The following ARHGAP44 variants were observed in gnomAD, a reference collection of about 807,000 sequenced individuals.
The protein encoded by ARHGAP44 is rho GTPase-activating protein 44.
In ARHGAP44, 43 loss-of-function variants were observed where a neutral mutation model predicts 106.8. The ratio of observed to expected loss-of-function variants is 0.40; its 90% CI spans 0.32 to 0.52. The LOEUF (loss-of-function observed/expected upper bound fraction) is 0.52. Among genes scored for constraint, ARHGAP44 ranks in the 20% least tolerant of loss-of-function variants. ARHGAP44 has a pLI of 0.48. For missense variants in ARHGAP44, 866 were observed against 1,050.5 expected (o/e 0.82, Z 2.43); for synonymous variants, 439 against 410.3 (o/e 1.07, Z -0.85).
intron 1 of ARHGAP44, among the ~76,000 whole-genome samples, chr17:12,791,671 T>C (rs1028592737): frequency 4.6e-5 from 7 of 152,106 alleles, no homozygotes; most frequent in Non-Finnish European, 7.4e-5. Flanking sequence ...GCCTCATCCA[T>C]GGGGGGAATG....
At chr17:12,848,695 CTCTT>C (rs2035641897) in intron 1 of ARHGAP44, among the ~76,000 whole-genome samples, 1 of 152,174 alleles carries the variant, frequency 6.6e-6, no homozygotes, top group Non-Finnish European at 1.5e-5. Context: ...AGTGCAGGGA[CTCTT>C]TCTTTTTGGA....
chr17:12,858,767 A>C (rs1302481228), intron 1 of ARHGAP44, among the ~76,000 whole-genome samples: 1 of 152,200 alleles, frequency 6.6e-6, no homozygotes, highest in Admixed American at 6.5e-5. Flanking sequence ...GCTGCTTATA[A>C]AGACATACCC....
chr17:12,789,631 G>A lies in ARHGAP44; in HGVS notation c.-208G>A. ...CGGGCATTGCGCGGCGCGCGTGAGG[G>A]GGATGCGGCAGGAGGCGGCGCGGCG... is the stretch of plus-strand genomic sequence containing the variant. On this transcript the variant is annotated 5_prime_UTR_variant, in exon 1 of 21. Transcript: ENST00000379672. 1 of 342,018 alleles carries A rather than the reference G, an allele frequency of 2.9e-6. No homozygotes were observed. Among genetic ancestry groups the A allele is most frequent in the Non-Finnish European group, 5.2e-6 (1 of 192,352 alleles). 21.2% of individuals were successfully genotyped at this position (342,018 alleles called of 1,614,324 possible).
chr17:12,967,771 T>C (rs76362481), intron 16 of ARHGAP44, among the ~76,000 whole-genome samples: 15,616 of 152,106 alleles, frequency 0.1, 903 homozygotes, highest in South Asian at 0.2. Context: ...CCCTGTATGG[T>C]CTACCAGGTT....
chr17:12,800,577 T>G (rs2034061618), intron 1 of ARHGAP44, among the ~76,000 whole-genome samples: 1 of 152,170 alleles, frequency 6.6e-6, no homozygotes, highest in African/African-American at 2.4e-5. Context: ...GCGTGCCACT[T>G]CTACTCTCAA....
intron 1 of ARHGAP44, among the ~76,000 whole-genome samples, chr17:12,819,154 G>A (rs1000929342): frequency 6.6e-6 from 1 of 152,022 alleles, no homozygotes; most frequent in African/African-American, 2.4e-5. Flanking sequence ...AAGATGCCAG[G>A]GCAATTAATG....
chr17:12,836,021 C>A (rs1222448482), intron 1 of ARHGAP44, among the ~76,000 whole-genome samples: 1 of 152,136 alleles, frequency 6.6e-6, no homozygotes, highest in Admixed American at 6.5e-5. Flanking sequence ...GTATGTATAT[C>A]CACATTTTGT....
chr17:12,879,743 C>T (rs1011477227), intron 1 of ARHGAP44, among the ~76,000 whole-genome samples: 1 of 150,826 alleles, frequency 6.6e-6, no homozygotes, highest in African/African-American at 2.4e-5. Context: ...TACACACACA[C>T]ACACACACTT....
chr17:12,923,598 C>T (rs942237772), intron 6 of ARHGAP44, among the ~76,000 whole-genome samples: 12 of 152,090 alleles, frequency 7.9e-5, no homozygotes, highest in South Asian at 2.1e-4. Flanking sequence ...GTAACCGTGG[C>T]GGGAGATCTA....
chr17:12,948,956 T>C (rs529508435), intron 10 of ARHGAP44, among the ~76,000 whole-genome samples, 184 bp from the exon 11 acceptor site: 1 of 152,310 alleles, frequency 6.6e-6, no homozygotes, highest in East Asian at 1.9e-4. Context: ...CAGTTCCTGC[T>C]CTGAAGTTGC....
chr17:12,948,374 AT>A (rs2038906730), intron 10 of ARHGAP44, among the ~76,000 whole-genome samples: 1 of 152,146 alleles, frequency 6.6e-6, no homozygotes, highest in Admixed American at 6.5e-5. Context: ...ACTTTATTTG[AT>A]TCTAAAAGTG....
At chr17:12,892,080 G>T (rs1461746055) in intron 1 of ARHGAP44, among the ~76,000 whole-genome samples, 3 of 152,230 alleles carry the variant, frequency 2.0e-5, no homozygotes, top group Admixed American at 6.5e-5. Flanking sequence ...GTGAGCCACT[G>T]TGCCCAGCCT....
chr17:12,827,900 G>T (rs1391159157), intron 1 of ARHGAP44, among the ~76,000 whole-genome samples: 1 of 151,870 alleles, frequency 6.6e-6, no homozygotes, highest in Non-Finnish European at 1.5e-5. Context: ...TCAGCCAGGT[G>T]TGGTGGTGCA....
chr17:12,924,520 A>C (rs951176689), intron 6 of ARHGAP44, among the ~76,000 whole-genome samples: 5 of 152,210 alleles, frequency 3.3e-5, no homozygotes, highest in Non-Finnish European at 7.3e-5. Context: ...GGACACATAC[A>C]CATTCCATTT....
At chr17:12,833,048 C>A (rs2035134333) in intron 1 of ARHGAP44, among the ~76,000 whole-genome samples, 1 of 152,228 alleles carries the variant, frequency 6.6e-6, no homozygotes, top group Non-Finnish European at 1.5e-5. Context: ...GAGAGCTCCC[C>A]TGTGTCCCTG....
At chr17:12,948,888 A>T (rs182074745) in intron 10 of ARHGAP44, among the ~76,000 whole-genome samples, 43 of 152,284 alleles carry the variant, frequency 2.8e-4, no homozygotes, top group Non-Finnish European at 4.6e-4. Flanking sequence ...ATAGTTACTG[A>T]GCCAGTGTGA....
intron 10 of ARHGAP44, among the ~76,000 whole-genome samples, chr17:12,945,696 T>G (rs1412925125): frequency 6.6e-6 from 1 of 152,184 alleles, no homozygotes; most frequent in East Asian, 1.9e-4. Context: ...TTCTAGATGC[T>G]GGAAATTCGA....
chr17:12,843,651 C>CTTTT (rs146749216), intron 1 of ARHGAP44, among the ~76,000 whole-genome samples: 31 of 97,116 alleles, frequency 3.2e-4, no homozygotes, highest in African/African-American at 8.4e-4. Context: ...GTATTGGTTA[C>CTTTT]TTTTTTTTTT....
chr17:12,971,558 C>G (rs1477304678), intron 16 of ARHGAP44, among the ~76,000 whole-genome samples: 1 of 152,164 alleles, frequency 6.6e-6, no homozygotes, highest in African/African-American at 2.4e-5. Flanking sequence ...CTGATACATT[C>G]TGAAGCCTGC....
Sources: gnomAD v4.1 joint callset for allele counts (sites outside exome capture counted in the v4.1 genomes callset) on GRCh38, gnomAD v4.1.1 for gene constraint, MANE v1.5 for transcripts, NCBI Gene and HGNC (gene_info 2026-07-23, HGNC 2026-07-21) for gene names.